The following SMAD2 variants were observed in gnomAD, a reference collection of about 807,000 sequenced individuals.
The protein encoded by SMAD2 is MAD homolog 2.
Under a neutral mutation model 64.4 loss-of-function variants are expected in SMAD2, and 8 were observed. The ratio of observed to expected loss-of-function variants is 0.12; its 90% CI spans 0.07 to 0.22. The LOEUF (loss-of-function observed/expected upper bound fraction) is 0.22, where lower values mean the gene tolerates loss of function less well. SMAD2 is among the 10% of genes least tolerant of loss of function. SMAD2 has a pLI of 1.00. For missense variants in SMAD2, 289 were observed against 561.2 expected (o/e 0.51, Z 4.90); for synonymous variants, 203 against 195.8 (o/e 1.04, Z -0.31).
intron 2 of SMAD2, among the ~76,000 whole-genome samples, chr18:47,874,376 G>A (rs2032135678): frequency 6.6e-6 from 1 of 152,094 alleles, no homozygotes; most frequent in Admixed American, 6.6e-5. Context: ...AATTCAAAGT[G>A]AAAAACAACA....
At chr18:47,871,564 G>C (rs911186384) in intron 2 of SMAD2, among the ~76,000 whole-genome samples, 2 of 152,158 alleles carry the variant, frequency 1.3e-5, no homozygotes, top group African/African-American at 4.8e-5. Context: ...TCAGGCTGCA[G>C]GAACACATCA....
chr18:47,859,407 TAA>T (rs1429101093), intron 6 of SMAD2, among the ~76,000 whole-genome samples: 1 of 152,170 alleles, frequency 6.6e-6, no homozygotes, highest in African/African-American at 2.4e-5. Flanking sequence ...CTTATCAAGA[TAA>T]GTTACAAGTT....
rs936668957 is a variant in SMAD2 at position 47,837,578 on chromosome 18, A to C, written c.*4249T>G. ...CTCCCTCTCAAAAAAAAAAAAAAAAAACAAAAAACAAGGCTAACAAGAAAG... is the reference window on the plus strand; with the variant it reads ...CTCCCTCTCAAAAAAAAAAAAAAAACACAAAAAACAAGGCTAACAAGAAAG... On this transcript the variant is annotated 3_prime_UTR_variant, in exon 11 of 11. Transcript: ENST00000262160. 13 of 227,014 alleles carry C rather than the reference A, an allele frequency of 5.7e-5. No individual in the cohort carries two copies. The highest frequency in any genetic ancestry group is 1.1e-4 in the Non-Finnish European group (13 of 115,478). The allele number at this position is 227,014 out of a possible 1,614,324, so 14.1% of individuals were successfully genotyped here. A position where few individuals can be genotyped will look rare whatever the true frequency, so the allele number is the denominator to read the frequency against.
rs1913815538 is a variant in SMAD2 at position 47,840,271 on chromosome 18, T to C, written c.*1556A>G. ...AAAGACAGCTTCAAAAATATGAAAA[T>C]TTATGAAAAGACGACCAGGAGTGGT... is the stretch of plus-strand genomic sequence containing the variant. On this transcript the variant is annotated 3_prime_UTR_variant, in exon 11 of 11. Transcript: ENST00000262160. The C allele has an allele frequency of 8.6e-6, 2 of 232,892 alleles. No homozygotes were observed. Among genetic ancestry groups the C allele is most frequent in the Non-Finnish European group, 1.7e-5 (2 of 117,894 alleles). The allele number at this position is 232,892 out of a possible 1,614,324, so 14.4% of individuals were successfully genotyped here.
chr18:47,919,521 A>ACACAC (rs1568117016), intron 1 of SMAD2, among the ~76,000 whole-genome samples: 1 of 136,856 alleles, frequency 7.3e-6, no homozygotes, highest in African/African-American at 2.8e-5. Flanking sequence ...CACACACACA[A>ACACAC]AGAATAGGAG....
rs1222221971 is a variant in SMAD2, at chr18:47,839,731, G to C, written c.*2096C>G. The C allele has an allele frequency of 4.3e-6, 1 of 233,226 alleles. No individual in the cohort carries two copies. The highest frequency in any genetic ancestry group is 5.6e-5 in the Admixed American group (1 of 17,784). The allele number at this position is 233,226 out of a possible 1,614,324, so 14.4% of individuals were successfully genotyped here. ...ATTTGTATAGAGGTTTCTGTATAAAGCATTAATACCTAATCAGGAGTTTCC... is the reference window on the plus strand; with the variant it reads ...ATTTGTATAGAGGTTTCTGTATAAACCATTAATACCTAATCAGGAGTTTCC... On this transcript the variant is annotated 3_prime_UTR_variant, in exon 11 of 11. Transcript: ENST00000262160.
In SMAD2 at chr18:47,820,894, T is replaced by TACACACACAC. The variant is rs1491457689; in HGVS notation, c.*20932_*20933insGTGTGTGTGT. 1.9e-5 allele frequency: 2 copies of TACACACACAC among 102,974 alleles called. No individual in the cohort carries two copies. The highest frequency in any genetic ancestry group is 8.2e-5 in the African/African-American group (2 of 24,276). 6.4% of individuals were successfully genotyped at this position (102,974 alleles called of 1,614,324 possible). A position where few individuals can be genotyped will look rare whatever the true frequency, so the allele number is the denominator to read the frequency against. On this transcript the variant is annotated 3_prime_UTR_variant, in exon 11 of 11. Coordinates refer to ENST00000262160, the MANE Select transcript of SMAD2 (RefSeq NM_005901.6). Reference sequence around the variant, plus strand: ...GATAGTGTAAATGCTATACATGCACTATACACACACACACACACACACACA... The same window carrying TACACACACAC: ...GATAGTGTAAATGCTATACATGCACTACACACACACATACACACACACACACACACACACA...
At position 47,860,236 on chromosome 18, in the gene SMAD2, T is replaced by C. The variant is rs73441792; in HGVS notation, c.730+4823A>G. Among the ~76,000 whole-genome samples the C allele has an allele frequency of 3.6e-3, 546 of 152,120 alleles. 5 individuals carry two copies. Among genetic ancestry groups the C allele is most frequent in the African/African-American group, 0.013 (531 of 41,502 alleles). On this transcript the variant is annotated intron_variant, in intron 6 of 10. Transcript: ENST00000262160. The stretch of plus-strand genomic sequence containing the variant: ...TTAAAAATGTAAATAATTCTCAATT[T>C]AAAAAACCTTTTCCTACAAGAGATG...
At chr18:47,894,380 C>T (rs1391761600) in intron 2 of SMAD2, among the ~76,000 whole-genome samples, 1 of 152,186 alleles carries the variant, frequency 6.6e-6, no homozygotes, top group Non-Finnish European at 1.5e-5. Context: ...GGCACTTAAA[C>T]GGCCCCAACC....
Position 47,813,565 on chromosome 18 carries a change from C to G in SMAD2, c.*28262G>C, listed in dbSNP as rs199726776. The G allele has an allele frequency of 6.6e-6, 1 of 151,976 alleles. No individual in the cohort carries two copies. The highest frequency in any genetic ancestry group is 1.9e-4 in the East Asian group (1 of 5,164). 9.4% of individuals were successfully genotyped at this position (151,976 alleles called of 1,614,324 possible). A position where few individuals can be genotyped will look rare whatever the true frequency, so the allele number is the denominator to read the frequency against. On this transcript the variant is annotated 3_prime_UTR_variant, in exon 11 of 11. Coordinates refer to ENST00000262160, the MANE Select transcript of SMAD2 (RefSeq NM_005901.6). ...GGGATTACAGGCACACACCACCACA[C>G]CCGGCTAATTTTCTGCATTTTTAGT... is the stretch of plus-strand genomic sequence containing the variant.
intron 1 of SMAD2, among the ~76,000 whole-genome samples, chr18:47,929,364 C>T (rs191096996): frequency 2.0e-5 from 3 of 152,258 alleles, no homozygotes; most frequent in Admixed American, 6.5e-5. Context: ...AGGTTCAATT[C>T]ATATGAAGTC....
chr18:47,892,199 T>G (rs1481365493), intron 2 of SMAD2, among the ~76,000 whole-genome samples: 1 of 24,432 alleles, frequency 4.1e-5, no homozygotes, highest in African/African-American at 1.4e-4. Context: ...TACCTAGACA[T>G]TTTTTTTTTT....
chr18:47,855,343 C>G (rs2030573915), intron 6 of SMAD2, among the ~76,000 whole-genome samples: 1 of 152,092 alleles, frequency 6.6e-6, no homozygotes, highest in South Asian at 2.1e-4. Context: ...TTGTGTAGAC[C>G]TAAGTTTTCA....
chr18:47,885,012 G>A (rs2032807222), intron 2 of SMAD2, among the ~76,000 whole-genome samples: 1 of 152,138 alleles, frequency 6.6e-6, no homozygotes, highest in Non-Finnish European at 1.5e-5. Context: ...AATGGTTGAA[G>A]TATTTCAAGC....
rs2144256914 is a variant in SMAD2 at position 47,833,439 on chromosome 18, C to T, written c.*8388G>A. The T allele has an allele frequency of 4.4e-6, 1 of 227,618 alleles. No homozygotes were observed. Among genetic ancestry groups the T allele is most frequent in the Non-Finnish European group, 8.8e-6 (1 of 114,260 alleles). 14.1% of individuals were successfully genotyped at this position (227,618 alleles called of 1,614,324 possible). On this transcript the variant is annotated 3_prime_UTR_variant, in exon 11 of 11. Transcript: ENST00000262160. Reference sequence around the variant, plus strand: ...AAAAGGAACCACATCGTACTTTTGACAATCATAGAACGAAAGCTCACAAAG... The same window carrying T: ...AAAAGGAACCACATCGTACTTTTGATAATCATAGAACGAAAGCTCACAAAG...
chr18:47,868,168 C>T (rs1005170097), intron 5 of SMAD2, 155 bp downstream of exon 5: 4 of 682,144 alleles, frequency 5.9e-6, no homozygotes, highest in Non-Finnish European at 1.0e-5. Context: ...TAGGCTTATA[C>T]ATTTCACAAA....
At chr18:47,853,874 A>G (rs2144326832) in intron 6 of SMAD2, among the ~76,000 whole-genome samples, 1 of 152,292 alleles carries the variant, frequency 6.6e-6, no homozygotes, top group Middle Eastern at 3.4e-3. Flanking sequence ...CCTGAAACCA[A>G]CATAAAATAA....
rs1384323383 is a variant in SMAD2, at chr18:47,820,894, TATACACACACACACACACACAC to T, written c.*20911_*20932del. ...GATAGTGTAAATGCTATACATGCAC[TATACACACACACACACACACAC>T]ACACACACACACACACACACACACA... On this transcript the variant is annotated 3_prime_UTR_variant, in exon 11 of 11. Transcript: ENST00000262160. 8 of 102,974 alleles carry T rather than the reference TATACACACACACACACACACAC, an allele frequency of 7.8e-5. No homozygotes were observed. Among genetic ancestry groups the T allele is most frequent in the African/African-American group, 3.3e-4 (8 of 24,276 alleles). 6.4% of individuals were successfully genotyped at this position (102,974 alleles called of 1,614,324 possible).
chr18:47,864,508 T>C (rs1055048804), intron 6 of SMAD2, among the ~76,000 whole-genome samples: 1 of 152,152 alleles, frequency 6.6e-6, no homozygotes, highest in Non-Finnish European at 1.5e-5. Flanking sequence ...TCACTGGTAG[T>C]TTATTAGTTC....
Sources: allele counts gnomAD v4.1 joint callset (sites outside exome capture counted in the v4.1 genomes callset), GRCh38; gene constraint gnomAD v4.1.1; transcripts MANE v1.5; gene names NCBI Gene and HGNC (gene_info 2026-07-23, HGNC 2026-07-21).